The following ANKS1B variants were observed in gnomAD, a reference collection of about 807,000 sequenced individuals.
The protein encoded by ANKS1B is ankyrin repeat and sterile alpha motif domain containing 1B, also known as ankyrin repeat and sterile alpha motif domain-containing protein 1B.
ANKS1B carries 36 observed loss-of-function variants against 148.3 expected under a neutral mutation model. The observed-to-expected ratio is 0.24, with a 90% confidence interval of 0.19 to 0.32. The LOEUF (loss-of-function observed/expected upper bound fraction) is 0.32, where lower values mean the gene tolerates loss of function less well. Ranked by LOEUF, ANKS1B falls within the 10% of genes least tolerant of loss-of-function variation. ANKS1B has a pLI of 1.00. For synonymous variants in ANKS1B, 542 were observed against 560.8 expected, an observed-to-expected ratio of 0.97 and a Z score of 0.47; for missense variants, 1,157 against 1,542.6, an observed-to-expected ratio of 0.75 and a Z score of 4.19.
At chr12:99,626,251 A>G (rs1598369182) in intron 9 of ANKS1B, among the ~76,000 whole-genome samples, 1 of 152,246 alleles carries the variant, frequency 6.6e-6, no homozygotes, top group Middle Eastern at 3.4e-3. Flanking sequence ...TCACAAAACA[A>G]CCAGCCCCTA....
chr12:99,209,219 G>A (rs945770694), intron 14 of ANKS1B, among the ~76,000 whole-genome samples: 5 of 152,080 alleles, frequency 3.3e-5, no homozygotes, highest in Admixed American at 2.0e-4. Flanking sequence ...AACAAAACTC[G>A]GAAAGAGCCC....
intron 14 of ANKS1B, among the ~76,000 whole-genome samples, chr12:99,176,906 TCTTTTCTTTATAAA>T (rs1239565826): frequency 1.3e-5 from 2 of 152,160 alleles, no homozygotes; most frequent in African/African-American, 4.8e-5. Context: ...CAATTAAGCC[TCTTTTCTTTATAAA>T]TTACATAGTC....
At chr12:99,587,496 T>C (rs561267442) in intron 9 of ANKS1B, among the ~76,000 whole-genome samples, 4 of 152,228 alleles carry the variant, frequency 2.6e-5, no homozygotes, top group Non-Finnish European at 4.4e-5. Flanking sequence ...AACCTCTGTA[T>C]AGAATGTTCA....
chr12:98,759,078 G>C (rs754748637), intron 25 of ANKS1B, among the ~76,000 whole-genome samples: 2 of 151,980 alleles, frequency 1.3e-5, no homozygotes, highest in African/African-American at 2.4e-5. Flanking sequence ...ACTGTGCCCG[G>C]CCTGGGATTT....
intron 8 of ANKS1B, among the ~76,000 whole-genome samples, chr12:99,739,342 TGGGGGGGGCGGG>T (rs2059885649): frequency 8.1e-6 from 1 of 124,222 alleles, no homozygotes; most frequent in Non-Finnish European, 1.6e-5. Context: ...GGGTTTTTTT[TGGGGGGGGCGGG>T]GCCAAAAAAA....
At chr12:98,866,715 C>G (rs2152305568) in intron 17 of ANKS1B, among the ~76,000 whole-genome samples, 1 of 152,296 alleles carries the variant, frequency 6.6e-6, no homozygotes, top group African/African-American at 2.4e-5. Flanking sequence ...AAAGCATGGC[C>G]TGGTCAGCTC....
At chr12:99,443,066 G>A (rs959631131) in intron 11 of ANKS1B, among the ~76,000 whole-genome samples, 3 of 151,786 alleles carry the variant, frequency 2.0e-5, no homozygotes, top group African/African-American at 4.8e-5. Flanking sequence ...CCTGCAAACC[G>A]CCTACTGGAA....
At chr12:99,838,856 A>G (rs967491482) in intron 1 of ANKS1B, among the ~76,000 whole-genome samples, 15 of 152,076 alleles carry the variant, frequency 9.9e-5, no homozygotes, top group African/African-American at 3.6e-4. Flanking sequence ...TTGCCATCTA[A>G]TTACCCCAGT....
In ANKS1B at chr12:98,744,814, G is replaced by A; in HGVS notation, c.*925C>T. ...CACTAGATTTTTTTTTTTTTAACATGTTCTTTAAAACACTGTGAAGATTAA... is the reference window on the plus strand; with the variant it reads ...CACTAGATTTTTTTTTTTTTAACATATTCTTTAAAACACTGTGAAGATTAA... On this transcript the variant is annotated 3_prime_UTR_variant, in exon 27 of 27. Transcript: ENST00000683438. The A allele has an allele frequency of 1.0e-6, 1 of 977,650 alleles. No individual in the cohort carries two copies. The highest frequency in any genetic ancestry group is 5.2e-4 in the Middle Eastern group (1 of 1,910). 60.6% of individuals were successfully genotyped at this position (977,650 alleles called of 1,614,324 possible). A position where few individuals can be genotyped will look rare whatever the true frequency, so the allele number is the denominator to read the frequency against.
At chr12:99,441,863 A>G (rs1354647639) in intron 11 of ANKS1B, among the ~76,000 whole-genome samples, 2 of 151,996 alleles carry the variant, frequency 1.3e-5, no homozygotes, top group Non-Finnish European at 2.9e-5. Context: ...ATATGCAGAG[A>G]AGGATTTATG....
chr12:99,954,978 C>A (rs773457777), intron 1 of ANKS1B, among the ~76,000 whole-genome samples: 2 of 152,194 alleles, frequency 1.3e-5, no homozygotes, highest in Non-Finnish European at 2.9e-5. Flanking sequence ...CATTCCCAGG[C>A]CCTTTGTCTG....
chr12:99,609,222 C>G (rs530079309), intron 9 of ANKS1B, among the ~76,000 whole-genome samples: 3 of 152,124 alleles, frequency 2.0e-5, no homozygotes, highest in Admixed American at 6.6e-5. Flanking sequence ...TTTCACCATA[C>G]AGCCTTTTAA....
chr12:99,497,452 T>A (rs1490288048), intron 10 of ANKS1B, among the ~76,000 whole-genome samples: 1 of 152,164 alleles, frequency 6.6e-6, no homozygotes, highest in East Asian at 1.9e-4. Flanking sequence ...AGGATAGAAG[T>A]CCAAACTCAA....
intron 16 of ANKS1B, among the ~76,000 whole-genome samples, chr12:99,071,684 G>A (rs2046330577): frequency 6.8e-6 from 1 of 146,284 alleles, no homozygotes; most frequent in Admixed American, 6.9e-5. Flanking sequence ...GTCTCACTCT[G>A]TTGCCCAGGC....
At chr12:98,795,711 G>C (rs2098942309) in intron 22 of ANKS1B, 1 of 441,194 alleles carries the variant, frequency 2.3e-6, no homozygotes, top group Non-Finnish European at 4.5e-6. Flanking sequence ...CAAAACCCAG[G>C]GCAATGAATG....
chr12:99,702,709 A>ATTT (rs1161148335), intron 8 of ANKS1B, among the ~76,000 whole-genome samples: 7 of 109,732 alleles, frequency 6.4e-5, no homozygotes, highest in African/African-American at 1.9e-4. Flanking sequence ...AACCCAGCTA[A>ATTT]TTTTTTTTTT....
At chr12:98,940,491 C>A (rs927959113) in intron 17 of ANKS1B, among the ~76,000 whole-genome samples, 1 of 152,122 alleles carries the variant, frequency 6.6e-6, no homozygotes, top group African/African-American at 2.4e-5. Flanking sequence ...ACTTCAGAAC[C>A]CTTCCCTGAT....
chr12:99,595,326 T>C (rs1306606414), intron 9 of ANKS1B, among the ~76,000 whole-genome samples: 1 of 151,910 alleles, frequency 6.6e-6, no homozygotes, highest in Non-Finnish European at 1.5e-5. Flanking sequence ...CTTAATGCAA[T>C]AGATGCTAAT....
At chr12:99,788,678 G>A (rs967895187) in intron 4 of ANKS1B, among the ~76,000 whole-genome samples, 1 of 152,110 alleles carries the variant, frequency 6.6e-6, no homozygotes, top group Non-Finnish European at 1.5e-5. Context: ...TCTGCGTTCA[G>A]GCCTAGGCTC....
Sources: allele counts gnomAD v4.1 joint callset (sites outside exome capture counted in the v4.1 genomes callset), GRCh38; gene constraint gnomAD v4.1.1; transcripts MANE v1.5; gene names NCBI Gene and HGNC (gene_info 2026-07-23, HGNC 2026-07-21).